The following KIF14 variants were observed in gnomAD, a reference collection of about 807,000 sequenced individuals.
The protein encoded by KIF14 is kinesin family member 14, also known as kinesin-like protein KIF14.
Under a neutral mutation model 176.2 loss-of-function variants are expected in KIF14, and 98 were observed. That is an observed-to-expected ratio of 0.56 (90% CI 0.47 to 0.66). The LOEUF (loss-of-function observed/expected upper bound fraction) is 0.66, where lower values mean the gene tolerates loss of function less well. KIF14 is among the 30% of genes least tolerant of loss of function. KIF14 has a pLI of 0.00. For synonymous variants in KIF14, 566 were observed against 632.2 expected, an observed-to-expected ratio of 0.90 and a Z score of 1.57; for missense variants, 1,751 against 1,920.4, an observed-to-expected ratio of 0.91 and a Z score of 1.65.
intron 19 of KIF14, 39 bp from the exon 20 acceptor site, chr1:200,581,333 A>G (rs374176956): frequency 6.2e-5 from 72 of 1,170,458 alleles, no homozygotes; most frequent in Admixed American, 8.8e-5. Context: ...AAATACATAC[A>G]TGGACACTAA....
At chr1:200,572,214 C>T (rs781418770) in intron 22 of KIF14, among the ~76,000 whole-genome samples, 1 of 152,138 alleles carries the variant, frequency 6.6e-6, no homozygotes, top group Non-Finnish European at 1.5e-5. Flanking sequence ...TGAAAATATC[C>T]AATTTCGAAA....
At chr1:200,589,136 A>G (rs1394103281) in intron 18 of KIF14, 81 bp downstream of exon 18, 31 of 1,170,474 alleles carry the variant, frequency 2.6e-5, no homozygotes, top group Non-Finnish European at 3.5e-5. Context: ...TCTTCTGTCA[A>G]CATACCATAA....
At chr1:200,619,664 T>C (rs1433028472) in intron 1 of KIF14, among the ~76,000 whole-genome samples, 2 of 152,206 alleles carry the variant, frequency 1.3e-5, no homozygotes, top group Admixed American at 6.5e-5. Context: ...GTATGTTGAA[T>C]ACAGGAATGC....
chr1:200,602,064 A>C lies in KIF14; in HGVS notation c.1984T>G (p.Leu662Val). 1 of 1,610,682 alleles carries C rather than the reference A, an allele frequency of 6.2e-7. No individual in the cohort carries two copies. Among genetic ancestry groups the C allele is most frequent in the Non-Finnish European group, 8.5e-7 (1 of 1,179,130 alleles). ...GAATTTCCACCCAGACTTTCTTTTA[A>C]CAGCCTACAAGAAAAAAAGTCATAA... ...PYRESVLTWLLKESLGGNSKT... is the reference protein window; with the variant it reads ...PYRESVLTWLVKESLGGNSKT... Residue 662 changes from leucine (L) to valine (V), a missense_variant, in exon 11 of 30, where the codon TTA becomes GTA. Physicochemically the swap from Leu to Val is conservative, Grantham distance 32 (BLOSUM62 1). Coordinates refer to ENST00000367350, the MANE Select transcript of KIF14 (RefSeq NM_014875.3).
At chr1:200,608,530 T>C (rs1296702381) in intron 5 of KIF14, among the ~76,000 whole-genome samples, 2 of 152,076 alleles carry the variant, frequency 1.3e-5, no homozygotes, top group Admixed American at 6.6e-5. Flanking sequence ...ACCCGGCTAA[T>C]TTTTTGTATT....
chr1:200,578,500 T>G (rs1384841182), intron 21 of KIF14, among the ~76,000 whole-genome samples: 3 of 152,114 alleles, frequency 2.0e-5, no homozygotes, highest in Non-Finnish European at 4.4e-5. Context: ...TTAGATAATA[T>G]GAACTTTAAA....
chr1:200,598,628 G>C (rs368763888), intron 13 of KIF14, among the ~76,000 whole-genome samples: 1 of 151,828 alleles, frequency 6.6e-6, no homozygotes, highest in South Asian at 2.1e-4. Context: ...GCACGATCTC[G>C]GCTCACTGCA....
chr1:200,554,411 T>G, intron 29 of KIF14, 57 bp downstream of exon 29: 1 of 1,204,364 alleles, frequency 8.3e-7, no homozygotes, highest in Non-Finnish European at 1.2e-6. Flanking sequence ...AGGAAAGATG[T>G]CTAAGGTTCC....
chr1:200,567,172 C>CAA (rs374186998), intron 23 of KIF14, among the ~76,000 whole-genome samples: 3,069 of 142,082 alleles, frequency 0.022, 40 homozygotes, highest in South Asian at 0.031. Flanking sequence ...ACTCTGTCCT[C>CAA]AAAAAAAAAA....
intron 27 of KIF14, among the ~76,000 whole-genome samples, chr1:200,558,906 T>A (rs1656980391): frequency 6.6e-6 from 1 of 152,236 alleles, no homozygotes. Context: ...TATCTTGATA[T>A]GAAATATCTT....
rs1172288010 is a variant in KIF14, at chr1:200,598,343, T to C, written c.2443A>G (p.Met815Val). Reference sequence around the variant, plus strand: ...CCTTCTTTTATCATATATAGCAGCATCTCAGATAGTTGTGGATCTTCATTC... The same window carrying C: ...CCTTCTTTTATCATATATAGCAGCACCTCAGATAGTTGTGGATCTTCATTC... ...NLNEDPQLSE[M>V]LLYMIKEGTT... Residue 815 changes from methionine (M) to valine (V), a missense_variant, in exon 14 of 30, where the codon ATG becomes GTG. Transcript: ENST00000367350. 5 of 1,613,248 alleles carry C rather than the reference T, an allele frequency of 3.1e-6. No homozygotes were observed. The South Asian group carries it at 5.5e-5, about 18-fold the overall frequency.
intron 25 of KIF14, among the ~76,000 whole-genome samples, chr1:200,564,472 G>A (rs112217421): frequency 6.2e-4 from 95 of 152,200 alleles, no homozygotes; most frequent in Admixed American, 1.2e-3. Context: ...TTTTATGTGA[G>A]AGAGAATAAG....
rs747338641 is a variant in KIF14 at position 200,598,245 on chromosome 1, A to T, written c.2541T>A (p.Asp847Glu). Residue 847 changes from aspartate to glutamate, a missense_variant, in exon 14 of 30, where the codon GAT becomes GAA. Transcript: ENST00000367350. ...DIQLSGVLIA[D>E]DHCTIKNFGG... ...TTAGAGGATTAACATACCAATGATC[A>T]TCAGCAATCAGCACCCCAGATAACT... 8 of 1,611,626 alleles carry T rather than the reference A, an allele frequency of 5.0e-6. No individual in the cohort carries two copies. Among genetic ancestry groups the T allele is most frequent in the Non-Finnish European group, 6.8e-6 (8 of 1,179,332 alleles).
At position 200,605,355 on chromosome 1, in the gene KIF14, A is replaced by C; in HGVS notation, c.1674T>G (p.Thr558=). Residue 558 remains threonine (T), a synonymous_variant, in exon 8 of 30, where the codon ACT becomes ACG. Transcript: ENST00000367350. ...TTTTATCATTCATACCAGTAGCAGC[A>C]GTAGCTCTTTGTTTATTTCCCAATT... ...WLELGNKQRA[T]AATGMNDKSS... is the part of the protein sequence containing the mutation. 3 of 1,613,768 alleles carry C rather than the reference A, an allele frequency of 1.9e-6. No homozygotes were observed. The highest frequency in any genetic ancestry group is 3.3e-5 in the Admixed American group (2 of 59,984).
At chr1:200,615,916 T>C (rs960017288) in intron 2 of KIF14, among the ~76,000 whole-genome samples, 2 of 152,102 alleles carry the variant, frequency 1.3e-5, no homozygotes, top group Non-Finnish European at 2.9e-5. Context: ...CCACCTACTA[T>C]AATCTACCTA....
At chr1:200,586,287 A>G (rs1658733991) in intron 18 of KIF14, 60 bp from the exon 19 acceptor site, 6 of 1,393,686 alleles carry the variant, frequency 4.3e-6, no homozygotes, top group African/African-American at 1.5e-5. Flanking sequence ...AGAAACTATA[A>G]CACCACATTG....
At chr1:200,612,881 CTTTTTTTTTTTT>C (rs58120760) in intron 4 of KIF14, among the ~76,000 whole-genome samples, 2 of 79,100 alleles carry the variant, frequency 2.5e-5, no homozygotes, top group African/African-American at 9.7e-5. Context: ...AGTTTATTCT[CTTTTTTTTTTTT>C]TTTTTTTTTT....
At chr1:200,564,443 C>T (rs1162604468) in intron 25 of KIF14, among the ~76,000 whole-genome samples, 2 of 152,040 alleles carry the variant, frequency 1.3e-5, no homozygotes, top group African/African-American at 4.8e-5. Flanking sequence ...GGATCAGAGC[C>T]ACTGTGTCTA....
chr1:200,617,286 G>A (rs1253293658), intron 2 of KIF14, among the ~76,000 whole-genome samples: 1 of 152,138 alleles, frequency 6.6e-6, no homozygotes, highest in Non-Finnish European at 1.5e-5. Context: ...CTCTTTTTAA[G>A]GGATAGGTAT....
Sources: gnomAD v4.1 joint callset for allele counts (sites outside exome capture counted in the v4.1 genomes callset) on GRCh38, gnomAD v4.1.1 for gene constraint, MANE v1.5 for transcripts, NCBI Gene and HGNC (gene_info 2026-07-23, HGNC 2026-07-21) for gene names.